The following BNIP3L variants were observed in gnomAD, a reference collection of about 807,000 sequenced individuals.
BNIP3L encodes BCL2 interacting protein 3 like, also known as BCL2/adenovirus E1B 19 kDa protein-interacting protein 3-like.
BNIP3L carries 10 observed loss-of-function variants against 25.5 expected under a neutral mutation model. That is an observed-to-expected ratio of 0.39 (90% CI 0.24 to 0.67). The LOEUF (loss-of-function observed/expected upper bound fraction) is 0.67, where lower values mean the gene tolerates loss of function less well. BNIP3L is among the 30% of genes least tolerant of loss of function. The probability of loss-of-function intolerance (pLI) is 0.45; values close to 1 mark genes in which losing one functional copy is unlikely to be tolerated. For missense variants in BNIP3L, 215 were observed against 270.9 expected (o/e 0.79, Z 1.45); for synonymous variants, 113 against 101.2 (o/e 1.12, Z -0.70).
intron 2 of BNIP3L, among the ~76,000 whole-genome samples, chr8:26,394,550 T>G (rs941078767): frequency 6.6e-6 from 1 of 152,180 alleles, no homozygotes; most frequent in Admixed American, 6.5e-5. Context: ...TTAGTGAAAA[T>G]ACCTATTTTC....
rs1806599297 is a variant in BNIP3L, at chr8:26,410,557, A to G, written c.*145A>G. Reference sequence around the variant, plus strand: ...TCCAATTCCAGTAACTCTCAAATTCAATATTTTATTCAAACTCTGTTGAGG... The same window carrying G: ...TCCAATTCCAGTAACTCTCAAATTCGATATTTTATTCAAACTCTGTTGAGG... On this transcript the variant is annotated 3_prime_UTR_variant, in exon 6 of 6. Coordinates refer to ENST00000380629, the MANE Select transcript of BNIP3L (RefSeq NM_004331.3). 1.1e-6 allele frequency: 1 copy of G among 924,792 alleles called. No individual in the cohort carries two copies. Among genetic ancestry groups the G allele is most frequent in the African/African-American group, 1.6e-5 (1 of 60,662 alleles). The allele number at this position is 924,792 out of a possible 1,614,324, so 57.3% of individuals were successfully genotyped here.
intron 3 of BNIP3L, among the ~76,000 whole-genome samples, chr8:26,398,673 A>G (rs1373031616): frequency 4.2e-5 from 6 of 142,384 alleles, no homozygotes; most frequent in Admixed American, 1.4e-4. Context: ...CAAAAAATCA[A>G]TGAATCCAGG....
rs770349803 is a variant in BNIP3L, at chr8:26,410,491, C to T, written c.*79C>T. On this transcript the variant is annotated 3_prime_UTR_variant, in exon 6 of 6. Coordinates refer to ENST00000380629, the MANE Select transcript of BNIP3L (RefSeq NM_004331.3). ...ACAGTAGCTTATTTGAACTTGAGAC[C>T]ATTGTAAGCATGACCCAACCTACCA... 5 of 1,532,206 alleles carry T rather than the reference C, an allele frequency of 3.3e-6. No individual in the cohort carries two copies. The highest frequency in any genetic ancestry group is 1.4e-5 in the African/African-American group (1 of 73,178). 94.9% of individuals were successfully genotyped at this position (1,532,206 alleles called of 1,614,324 possible). A position where few individuals can be genotyped will look rare whatever the true frequency, so the allele number is the denominator to read the frequency against.
At chr8:26,384,714 CT>C (rs1380875921) in intron 1 of BNIP3L, among the ~76,000 whole-genome samples, 2 of 144,450 alleles carry the variant, frequency 1.4e-5, no homozygotes, top group African/African-American at 5.1e-5. Flanking sequence ...CTGTCTACTG[CT>C]CTTTTGAGGA....
chr8:26,401,458 C>T (rs1265054733), intron 3 of BNIP3L, among the ~76,000 whole-genome samples: 2 of 150,950 alleles, frequency 1.3e-5, no homozygotes, highest in Non-Finnish European at 2.9e-5. Context: ...GGAGATATAC[C>T]TAATGCTAGA....
rs1805896282 is a variant in BNIP3L at position 26,383,241 on chromosome 8, G to A, written c.100+11G>A. On this transcript the variant is annotated intron_variant, in intron 1 of 5. Transcript: ENST00000380629. ...CGGCCGGCCTCAACAGTGAGTGCGG[G>A]GCCGAGGCTCTGTGAAGGGGATGGG... 4.4e-6 allele frequency: 7 copies of A among 1,602,630 alleles called. No homozygotes were observed. The highest frequency in any genetic ancestry group is 1.3e-5 in the African/African-American group (1 of 74,826).
chr8:26,383,293 C>A (rs1805898249), intron 1 of BNIP3L, 63 bp downstream of exon 1: 1 of 1,555,230 alleles, frequency 6.4e-7, no homozygotes, highest in Admixed American at 2.0e-5. Flanking sequence ...CGGCCGCCGC[C>A]ACCGGCGCGG....
rs1349320609 is a variant in BNIP3L, at chr8:26,403,363, G to A, written c.358-4637G>A. On this transcript the variant is annotated intron_variant, in intron 3 of 5. Coordinates refer to ENST00000380629, the MANE Select transcript of BNIP3L (RefSeq NM_004331.3). Reference sequence around the variant, plus strand: ...GATTTTCTTCCTGAATAAGAAGAAAGTTTAGGGTTAGGAAACTTAAAAAAG... The same window carrying A: ...GATTTTCTTCCTGAATAAGAAGAAAATTTAGGGTTAGGAAACTTAAAAAAG... Among the ~76,000 whole-genome samples the A allele has an allele frequency of 2.0e-5, 3 of 152,208 alleles. No homozygotes were observed. The East Asian group carries it at 5.8e-4, about 29-fold the overall frequency.
rs965618047 is a variant in BNIP3L, at chr8:26,411,823, T to C, written c.*1411T>C. 6.6e-6 allele frequency: 1 copy of C among 152,626 alleles called. No individual in the cohort carries two copies. The highest frequency in any genetic ancestry group is 6.5e-5 in the Admixed American group (1 of 15,284). The allele number at this position is 152,626 out of a possible 1,614,324, so 9.5% of individuals were successfully genotyped here. ...GTTTTATATATAAATAATTACTGTT[T>C]ATGATATAGACATTGATATTGACTA... is the stretch of plus-strand genomic sequence containing the variant. On this transcript the variant is annotated 3_prime_UTR_variant, in exon 6 of 6. Transcript: ENST00000380629.
At chr8:26,402,490 T>C (rs529903854) in intron 3 of BNIP3L, among the ~76,000 whole-genome samples, 1 of 152,372 alleles carries the variant, frequency 6.6e-6, no homozygotes, top group South Asian at 2.1e-4. Context: ...GCTTTAAGTT[T>C]AGATTAGCAT....
At chr8:26,401,333 G>A (rs1325247203) in intron 3 of BNIP3L, among the ~76,000 whole-genome samples, 6 of 144,012 alleles carry the variant, frequency 4.2e-5, no homozygotes, top group South Asian at 2.3e-4. Context: ...ACCAAACACC[G>A]CATATTCTCA....
chr8:26,387,583 G>C (rs566504187), intron 1 of BNIP3L, among the ~76,000 whole-genome samples: 87 of 152,284 alleles, frequency 5.7e-4, no homozygotes, highest in Non-Finnish European at 1.0e-3. Context: ...GGAACAAATC[G>C]GGTGATGGGA....
At chr8:26,386,247 C>T (rs1805989159) in intron 1 of BNIP3L, among the ~76,000 whole-genome samples, 1 of 152,096 alleles carries the variant, frequency 6.6e-6, no homozygotes, top group South Asian at 2.1e-4. Flanking sequence ...ACCCAAACTC[C>T]TTCCAAGTCA....
chr8:26,383,503 G>T (rs1047653660), intron 1 of BNIP3L: 3 of 1,113,838 alleles, frequency 2.7e-6, no homozygotes, highest in Non-Finnish European at 3.3e-6. Context: ...CCTGGTGCGG[G>T]GGGTGGTCCC....
chr8:26,389,637 G>C (rs114070573), intron 1 of BNIP3L, among the ~76,000 whole-genome samples: 2 of 152,190 alleles, frequency 1.3e-5, no homozygotes, highest in Non-Finnish European at 2.9e-5. Flanking sequence ...GAAAATTCTA[G>C]TGTATAACTG....
intron 3 of BNIP3L, among the ~76,000 whole-genome samples, chr8:26,406,491 AT>A (rs1806502120): frequency 6.6e-6 from 1 of 152,056 alleles, no homozygotes; most frequent in Non-Finnish European, 1.5e-5. Context: ...GATTTTAATA[AT>A]TATTTTTATA....
At chr8:26,390,648 C>G in intron 1 of BNIP3L, 1 of 779,816 alleles carries the variant, frequency 1.3e-6, no homozygotes, top group Non-Finnish European at 1.6e-6. Flanking sequence ...TTTAGTTAAC[C>G]AGCTGCATTA....
chr8:26,394,012 G>T (rs919026572), intron 2 of BNIP3L, among the ~76,000 whole-genome samples: 3 of 152,056 alleles, frequency 2.0e-5, no homozygotes. Flanking sequence ...ACATACTCTT[G>T]ATAACTTTAA....
At chr8:26,391,193 A>G (rs751582559) in intron 1 of BNIP3L, 50 bp from the exon 2 acceptor site, 2 of 1,489,482 alleles carry the variant, frequency 1.3e-6, no homozygotes, top group South Asian at 1.3e-5. Flanking sequence ...CTGTGTGCAC[A>G]TGACAGATTT....
Sources: gnomAD v4.1 joint callset for allele counts (sites outside exome capture counted in the v4.1 genomes callset) on GRCh38, gnomAD v4.1.1 for gene constraint, MANE v1.5 for transcripts, NCBI Gene and HGNC (gene_info 2026-07-23, HGNC 2026-07-21) for gene names.